Variants in HMCN2 observed in about 807,000 individuals in gnomAD.
HMCN2 encodes hemicentin-2.
In HMCN2, 325 loss-of-function variants were observed where a neutral mutation model predicts 377.5. That is an observed-to-expected ratio of 0.86 (90% CI 0.79 to 0.94). The LOEUF (loss-of-function observed/expected upper bound fraction) is 0.94. Ranked by LOEUF, HMCN2 falls within the 40% of genes least tolerant of loss-of-function variation. The pLI is 0.00. For synonymous variants in HMCN2, 2,007 were observed against 2,046.8 expected, an observed-to-expected ratio of 0.98 and a Z score of 0.53; for missense variants, 4,543 against 4,725.3, an observed-to-expected ratio of 0.96 and a Z score of 1.13.
intron 54 of HMCN2, among the ~76,000 whole-genome samples, 198 bp downstream of exon 54, chr9:130,379,665 A>T (rs548679829): frequency 6.6e-6 from 1 of 152,302 alleles, no homozygotes; most frequent in East Asian, 1.9e-4. Flanking sequence ...GCCTCCTATC[A>T]TGGGGCATGC....
chr9:130,368,650 C>T lies in HMCN2; in HGVS notation c.6787+213C>T, dbSNP rs531980702. 2.0e-5 allele frequency among the ~76,000 whole-genome samples: 3 copies of T among 152,212 alleles called. No homozygotes were observed. In the East Asian group the frequency reaches 5.8e-4, roughly 29 times the overall value. On this transcript the variant is annotated intron_variant, in intron 44 of 97. Transcript: ENST00000683500. Reference sequence around the variant, plus strand: ...ATAAACGAGAGGCTTAATTGACTCACAGTTCCACATGGCTGGGGAGGCCTC... The same window carrying T: ...ATAAACGAGAGGCTTAATTGACTCATAGTTCCACATGGCTGGGGAGGCCTC...
chr9:130,268,656 C>T lies in HMCN2; in HGVS notation c.259+2519C>T, dbSNP rs1302582298. 3.4e-5 allele frequency among the ~76,000 whole-genome samples: 5 copies of T among 149,234 alleles called. 1 individual carries two copies. Among genetic ancestry groups the T allele is most frequent in the East Asian group, 1.9e-4 (1 of 5,170 alleles). ...CAGTGAATGTTTACTGGGTTTTGGC[C>T]GTTTGCCTGGCAGATGCCAGGTGCT... On this transcript the variant is annotated intron_variant, in intron 1 of 97. Transcript: ENST00000683500.
intron 13 of HMCN2, 50 bp downstream of exon 13, chr9:130,306,988 C>T (rs1355195995): frequency 1.2e-5 from 5 of 430,170 alleles, no homozygotes; most frequent in Non-Finnish European, 2.0e-5. Flanking sequence ...TCCTTCCCTC[C>T]CTCCTCCCTC....
intron 83 of HMCN2, among the ~76,000 whole-genome samples, chr9:130,407,948 C>G (rs747879713): frequency 4.4e-4 from 67 of 152,320 alleles, no homozygotes; most frequent in Non-Finnish European, 8.8e-4. Context: ...CAAGACGACC[C>G]TGGCTGCAGG....
intron 8 of HMCN2, among the ~76,000 whole-genome samples, chr9:130,301,105 C>T (rs1380627580): frequency 1.3e-5 from 2 of 152,238 alleles, no homozygotes; most frequent in African/African-American, 2.4e-5. Context: ...CGGTGCCCAT[C>T]GTGCCTACAG....
chr9:130,419,072 G>A (rs964218913), intron 86 of HMCN2, 31 bp downstream of exon 86: 1 of 1,462,740 alleles, frequency 6.8e-7, no homozygotes, highest in African/African-American at 1.4e-5. Context: ...GACCTTCGTG[G>A]ACAGAGGCAG....
rs1240763407 is a variant in HMCN2, at chr9:130,351,478, A to T, written c.4486A>T (p.Arg1496Trp). 4.6e-6 allele frequency: 6 copies of T among 1,304,140 alleles called. No individual in the cohort carries two copies. The highest frequency in any genetic ancestry group is 6.1e-6 in the Non-Finnish European group (6 of 988,950). 80.8% of individuals were successfully genotyped at this position (1,304,140 alleles called of 1,614,324 possible). ...LQVQEDGQVL[R>W]ITGSHVGDEG... ...GGTCCAGGAGGATGGCCAGGTTCTC[A>T]GGATCACCGGCAGTCACGTGGGGGA... Residue 1496 changes from arginine to tryptophan, a missense_variant, in exon 30 of 98, where the codon AGG (arginine) becomes TGG (tryptophan). This residue lies in a region of HMCN2 where 1,032 missense variants were observed against 1,285.1 expected (regional missense o/e 0.80). Transcript: ENST00000683500. The surrounding 1 kb of genome is among the most constrained non-coding windows in gnomAD (Gnocchi z 5.4).
intron 48 of HMCN2, among the ~76,000 whole-genome samples, chr9:130,373,947 G>A (rs2131608081): frequency 6.6e-6 from 1 of 151,886 alleles, no homozygotes; most frequent in East Asian, 1.9e-4. Flanking sequence ...AGGATAGGTG[G>A]GTAGGTAGAT....
intron 23 of HMCN2, among the ~76,000 whole-genome samples, chr9:130,339,843 A>G (rs1838954298): frequency 6.6e-6 from 1 of 152,188 alleles, no homozygotes; most frequent in Non-Finnish European, 1.5e-5. Flanking sequence ...CCTTCTCAGA[A>G]GCTGCGTAGG....
At chr9:130,420,077 T>C (rs1843913480) in intron 86 of HMCN2, among the ~76,000 whole-genome samples, 1 of 143,520 alleles carries the variant, frequency 7.0e-6, no homozygotes, top group South Asian at 2.5e-4. Flanking sequence ...TTTTTTTTTT[T>C]TTTTTTTTTT....
At position 130,393,105 on chromosome 9, in the gene HMCN2, A is replaced by T; in HGVS notation, c.10137-107A>T. Reference sequence around the variant, plus strand: ...TTGGGAGACAAAGGTTGGAAAAGGGAGGAAGTCTTTCCACGCAGCCAGCCT... The same window carrying T: ...TTGGGAGACAAAGGTTGGAAAAGGGTGGAAGTCTTTCCACGCAGCCAGCCT... On this transcript the variant is annotated intron_variant, in intron 66 of 97. Transcript: ENST00000683500. This position sits in a 1 kb window ranked among gnomAD's most constrained non-coding sequence, Gnocchi z 5.2. The T allele has an allele frequency of 1.5e-6, 1 of 678,352 alleles. No homozygotes were observed. Among genetic ancestry groups the T allele is most frequent in the Non-Finnish European group, 1.8e-6 (1 of 548,336 alleles). The allele number at this position is 678,352 out of a possible 1,614,324, so 42.0% of individuals were successfully genotyped here.
Position 130,396,238 on chromosome 9 carries a change from G to T in HMCN2, c.11123G>T (p.Cys3708Phe). 2.3e-6 allele frequency: 3 copies of T among 1,287,052 alleles called. No homozygotes were observed. The highest frequency in any genetic ancestry group is 3.0e-6 in the Non-Finnish European group (3 of 986,550). The allele number at this position is 1,287,052 out of a possible 1,614,324, so 79.7% of individuals were successfully genotyped here. Residue 3708 changes from cysteine (C) to phenylalanine (F), a missense_variant, in exon 73 of 98, where the codon TGC (cysteine) becomes TTC (phenylalanine). By Grantham distance (205) the Cys-to-Phe change is radical. Transcript: ENST00000683500. ...VSVNQTALLP[C>F]QADGVPAPLV... ...GTGAACCAGACAGCCCTGCTGCCTT[G>T]CCAGGCCGACGGCGTGCCCGCACCC... is the stretch of plus-strand genomic sequence containing the variant.
intron 1 of HMCN2, among the ~76,000 whole-genome samples, chr9:130,271,162 C>T (rs1427576479): frequency 6.7e-6 from 1 of 148,838 alleles, no homozygotes; most frequent in Non-Finnish European, 1.5e-5. Context: ...GGTGATGGAA[C>T]GCTGTTGATG....
Position 130,403,105 on chromosome 9 carries a change from G to A in HMCN2, c.11879-89G>A, listed in dbSNP as rs951661609. ...TCTAGAACCCCCGTTCTCCTTAGAG[G>A]CCTCTCTCTCTGATGCTCCGAGGCC... On this transcript the variant is annotated intron_variant, in intron 78 of 97. Transcript: ENST00000683500. 2.5e-6 allele frequency: 3 copies of A among 1,179,204 alleles called. No homozygotes were observed. The South Asian group carries it at 4.3e-5, about 17-fold the overall frequency. The allele number at this position is 1,179,204 out of a possible 1,614,324, so 73.0% of individuals were successfully genotyped here.
Position 130,407,677 on chromosome 9 carries a change from G to A in HMCN2, c.12660G>A (p.Thr4220=), listed in dbSNP as rs998302020. The part of the protein sequence containing the change: ...VCWAENRVGR[T]QAVSFVHVKE... ...GGGCGGAGAACAGAGTGGGCCGCACGCAGGCGGTCAGCTTCGTCCACGTGA... is the reference window on the plus strand; with the variant it reads ...GGGCGGAGAACAGAGTGGGCCGCACACAGGCGGTCAGCTTCGTCCACGTGA... Residue 4220 remains threonine, a synonymous_variant, in exon 83 of 98, where the codon ACG becomes ACA. Coordinates refer to ENST00000683500, the MANE Select transcript of HMCN2 (RefSeq NM_001291815.2). 6.4e-6 allele frequency: 8 copies of A among 1,259,562 alleles called. No homozygotes were observed. The highest frequency in any genetic ancestry group is 1.3e-5 in the South Asian group (1 of 78,670). 78.0% of individuals were successfully genotyped at this position (1,259,562 alleles called of 1,614,324 possible). A position where few individuals can be genotyped will look rare whatever the true frequency, so the allele number is the denominator to read the frequency against.
intron 12 of HMCN2, 86 bp downstream of exon 12, chr9:130,306,356 T>C (rs2131351134): frequency 2.3e-6 from 1 of 437,424 alleles, no homozygotes; most frequent in Non-Finnish European, 4.8e-6. Context: ...GGCCTTCCTA[T>C]CTGTAAATGG....
chr9:130,422,621 G>A lies in HMCN2; in HGVS notation c.13276G>A (p.Gly4426Ser). The A allele has an allele frequency of 7.5e-7, 1 of 1,328,378 alleles. No homozygotes were observed. The highest frequency in any genetic ancestry group is 9.7e-7 in the Non-Finnish European group (1 of 1,032,856). The allele number at this position is 1,328,378 out of a possible 1,614,324, so 82.3% of individuals were successfully genotyped here. The change falls in exon 87 of 98, where the codon GGC becomes AGC. Residue 4426 changes from glycine (G) to serine (S), a missense_variant. By Grantham distance (56) the Gly-to-Ser change is moderately conservative. Coordinates refer to ENST00000683500, the MANE Select transcript of HMCN2 (RefSeq NM_001291815.2). The surrounding 1 kb of genome is among the most constrained non-coding windows in gnomAD (Gnocchi z 4.2). ...GGGCAGCATGACTGGGGTGATAAATGGCCGGAAATTTGGCGTGGCCACACT... is the reference window on the plus strand; with the variant it reads ...GGGCAGCATGACTGGGGTGATAAATAGCCGGAAATTTGGCGTGGCCACACT... ...SWGSMTGVIN[G>S]RKFGVATLNT...
In HMCN2 at chr9:130,354,806, G is replaced by A. The variant is rs748988087; in HGVS notation, c.4908G>A (p.Val1636=). Residue 1636 remains valine, a synonymous_variant, in exon 32 of 98, where the codon GTG becomes GTA. Coordinates refer to ENST00000683500, the MANE Select transcript of HMCN2 (RefSeq NM_001291815.2). ...GCGCCGGTGGAAGACCATACGTGGT[G>A]AAGGCTGTGGCTGGGAGGCCTGTGG... ...IEGAGGRPYV[V]KAVAGRPVAL... is the part of the protein sequence containing the mutation. 3.1e-6 allele frequency: 4 copies of A among 1,304,036 alleles called. No homozygotes were observed. The highest frequency in any genetic ancestry group is 4.0e-6 in the Non-Finnish European group (4 of 988,888). 80.8% of individuals were successfully genotyped at this position (1,304,036 alleles called of 1,614,324 possible). A position where few individuals can be genotyped will look rare whatever the true frequency, so the allele number is the denominator to read the frequency against.
intron 1 of HMCN2, among the ~76,000 whole-genome samples, chr9:130,269,355 T>C (rs1480572194): frequency 1.4e-5 from 2 of 146,188 alleles, no homozygotes; most frequent in Non-Finnish European, 3.1e-5. Context: ...TATATTAAAA[T>C]GTTACTAAGA....
Sources: allele counts gnomAD v4.1 joint callset (sites outside exome capture counted in the v4.1 genomes callset), GRCh38; gene constraint gnomAD v4.1.1; regional missense constraint gnomAD v4.1.1; non-coding constraint Gnocchi (gnomAD v3.1); transcripts MANE v1.5; gene names NCBI Gene and HGNC (gene_info 2026-07-23, HGNC 2026-07-21).